Variants in DNM3 observed in about 807,000 individuals in gnomAD.
DNM3 encodes the protein dynamin 3, also known as dynamin-3.
DNM3 carries 47 observed loss-of-function variants against 101.6 expected under a neutral mutation model. The observed-to-expected ratio is 0.46, with a 90% CI of 0.37 to 0.59. The LOEUF (loss-of-function observed/expected upper bound fraction) is 0.59. DNM3 is among the 20% of genes least tolerant of loss of function. DNM3 has a pLI of 0.00. For synonymous variants in DNM3, 385 were observed against 387.9 expected (o/e 0.99, Z 0.09); for missense variants, 849 against 1,085.7 (o/e 0.78, Z 3.06).
chr1:172,390,417 T>C (rs1178024079), intron 20 of DNM3, among the ~76,000 whole-genome samples: 1 of 152,248 alleles, frequency 6.6e-6, no homozygotes, highest in Non-Finnish European at 1.5e-5. Context: ...AGCCATTTCC[T>C]GACCATGACC....
At chr1:171,903,113 C>T (rs1317416714) in intron 1 of DNM3, among the ~76,000 whole-genome samples, 1 of 151,756 alleles carries the variant, frequency 6.6e-6, no homozygotes, top group Admixed American at 6.6e-5. Flanking sequence ...TGAGATCGTG[C>T]CACTATACTT....
chr1:172,304,219 A>C (rs1442509618), intron 15 of DNM3, among the ~76,000 whole-genome samples: 2 of 139,844 alleles, frequency 1.4e-5, no homozygotes, highest in South Asian at 2.3e-4. Context: ...AAAAAAAAAA[A>C]AAACAGGAGT....
At chr1:172,089,080 A>G (rs910740208) in intron 12 of DNM3, among the ~76,000 whole-genome samples, 1 of 152,246 alleles carries the variant, frequency 6.6e-6, no homozygotes, top group Admixed American at 6.5e-5. Context: ...GCGTGCACAC[A>G]CGCACACACA....
intron 2 of DNM3, among the ~76,000 whole-genome samples, chr1:171,927,228 T>C (rs1290530464): frequency 1.3e-5 from 2 of 152,206 alleles, no homozygotes; most frequent in Non-Finnish European, 2.9e-5. Context: ...TACACAACAA[T>C]CAGTTGTATT....
intron 4 of DNM3, among the ~76,000 whole-genome samples, chr1:172,005,302 A>C (rs2046613758): frequency 6.6e-6 from 1 of 152,108 alleles, no homozygotes; most frequent in Non-Finnish European, 1.5e-5. Context: ...TTACGTAAAA[A>C]TAATTTGTTA....
At chr1:172,068,974 G>T in intron 11 of DNM3, 69 bp downstream of exon 11, 1 of 1,373,148 alleles carries the variant, frequency 7.3e-7, no homozygotes. Context: ...AGGTTGTCTG[G>T]TAGTTCCCAA....
At chr1:172,100,383 C>T (rs2147872754) in intron 13 of DNM3, among the ~76,000 whole-genome samples, 1 of 152,322 alleles carries the variant, frequency 6.6e-6, no homozygotes, top group African/African-American at 2.4e-5. Flanking sequence ...AAATGGACCT[C>T]ACTATCCTGA....
At chr1:172,224,972 C>T (rs566102948) in intron 14 of DNM3, among the ~76,000 whole-genome samples, 1 of 151,974 alleles carries the variant, frequency 6.6e-6, no homozygotes, top group Non-Finnish European at 1.5e-5. Context: ...GGTCTTCCCT[C>T]TCATTTCTTA....
intron 2 of DNM3, among the ~76,000 whole-genome samples, chr1:171,950,742 A>G (rs554278636): frequency 4.6e-5 from 7 of 152,140 alleles, no homozygotes; most frequent in Non-Finnish European, 8.8e-5. Flanking sequence ...GGTGATGAAA[A>G]TGTTCTTTAA....
chr1:172,025,020 C>A (rs997191256), intron 4 of DNM3, among the ~76,000 whole-genome samples: 2 of 152,228 alleles, frequency 1.3e-5, no homozygotes, highest in African/African-American at 4.8e-5. Context: ...GGATCTCACA[C>A]CCACAGAGCT....
rs757283700 is a variant in DNM3 at position 172,411,813 on chromosome 1, G to C, written c.*3972G>C. 1.0e-6 allele frequency: 1 copy of C among 985,652 alleles called. No homozygotes were observed. 61.1% of individuals were successfully genotyped at this position (985,652 alleles called of 1,614,324 possible). ...CATGAGTTTTGTATCATTTCAATTAGAAGACTACTAGCTGTGAGCTCAGAG... is the reference window on the plus strand; with the variant it reads ...CATGAGTTTTGTATCATTTCAATTACAAGACTACTAGCTGTGAGCTCAGAG... On this transcript the variant is annotated 3_prime_UTR_variant, in exon 21 of 21. Coordinates refer to ENST00000627582, the MANE Select transcript of DNM3 (RefSeq NM_015569.5).
chr1:171,945,894 A>G (rs1347793383), intron 2 of DNM3, among the ~76,000 whole-genome samples: 1 of 152,098 alleles, frequency 6.6e-6, no homozygotes, highest in African/African-American at 2.4e-5. Flanking sequence ...AAACAGGAGG[A>G]TTTGGTAAGT....
chr1:171,998,349 T>TCA (rs1175057150), intron 4 of DNM3, among the ~76,000 whole-genome samples: 1 of 152,130 alleles, frequency 6.6e-6, no homozygotes, highest in Non-Finnish European at 1.5e-5. Flanking sequence ...GTTTAGGAGT[T>TCA]CACACTTATG....
chr1:172,249,055 T>A (rs1240860651), intron 14 of DNM3, among the ~76,000 whole-genome samples: 1 of 152,196 alleles, frequency 6.6e-6, no homozygotes, highest in Non-Finnish European at 1.5e-5. Flanking sequence ...TCCCTATGTA[T>A]AAATTGCCAC....
intron 14 of DNM3, among the ~76,000 whole-genome samples, chr1:172,178,196 GA>G (rs1051879070): frequency 1.3e-5 from 2 of 151,842 alleles, no homozygotes; most frequent in African/African-American, 4.8e-5. Context: ...AATCTTATGA[GA>G]CCACTGTCAT....
At chr1:171,998,270 T>G (rs2046134975) in intron 4 of DNM3, among the ~76,000 whole-genome samples, 1 of 152,168 alleles carries the variant, frequency 6.6e-6, no homozygotes, top group African/African-American at 2.4e-5. Flanking sequence ...GGTGAAACAC[T>G]GTTAAAGTTA....
intron 10 of DNM3, among the ~76,000 whole-genome samples, chr1:172,063,882 T>C (rs975400117): frequency 2.0e-5 from 3 of 152,206 alleles, no homozygotes; most frequent in African/African-American, 7.2e-5. Context: ...AGTTTCACTA[T>C]TATAATATAA....
intron 15 of DNM3, among the ~76,000 whole-genome samples, chr1:172,300,954 C>T (rs1315447758): frequency 6.6e-6 from 1 of 152,182 alleles, no homozygotes; most frequent in African/African-American, 2.4e-5. Flanking sequence ...CAGTTTTTCA[C>T]ATCAAGATTC....
intron 15 of DNM3, among the ~76,000 whole-genome samples, chr1:172,287,784 AAT>A (rs1243819649): frequency 1.9e-4 from 27 of 142,812 alleles, no homozygotes; most frequent in Admixed American, 2.8e-4. Flanking sequence ...ATATATATAA[AAT>A]ATATATATAT....
Sources: gnomAD v4.1 joint callset for allele counts (sites outside exome capture counted in the v4.1 genomes callset) on GRCh38, gnomAD v4.1.1 for gene constraint, MANE v1.5 for transcripts, NCBI Gene and HGNC (gene_info 2026-07-23, HGNC 2026-07-21) for gene names.